The following RANBP17 variants were observed in gnomAD, a reference collection of about 807,000 sequenced individuals.
The protein encoded by RANBP17 is RAN binding protein 17.
A neutral mutation model predicts 141.2 loss-of-function variants in RANBP17; 158 were observed. That is an observed-to-expected ratio of 1.12 (90% confidence interval 0.98 to 1.28). The LOEUF (loss-of-function observed/expected upper bound fraction) is 1.28, where lower values mean the gene tolerates loss of function less well. RANBP17 is among the 50% of genes most tolerant of loss of function. The probability of loss-of-function intolerance (pLI) is 0.00; values close to 1 mark genes in which losing one functional copy is unlikely to be tolerated. For missense variants in RANBP17, 1,438 were observed against 1,290.7 expected (o/e 1.11, Z -1.75); for synonymous variants, 430 against 450.0 (o/e 0.96, Z 0.56).
chr5:171,043,779 AC>A (rs1364341547), intron 14 of RANBP17, among the ~76,000 whole-genome samples: 1 of 152,096 alleles, frequency 6.6e-6, no homozygotes, highest in Non-Finnish European at 1.5e-5. Context: ...ATATTTATTG[AC>A]CTTCAATGAA....
At chr5:170,880,406 TTTC>T (rs1177675648) in intron 2 of RANBP17, among the ~76,000 whole-genome samples, 2 of 152,226 alleles carry the variant, frequency 1.3e-5, no homozygotes, top group African/African-American at 2.4e-5. Flanking sequence ...GTAATCTTAT[TTTC>T]TCTGCACATA....
intron 14 of RANBP17, among the ~76,000 whole-genome samples, chr5:171,078,035 G>A (rs546279925): frequency 5.8e-4 from 89 of 152,324 alleles, no homozygotes; most frequent in South Asian, 3.9e-3. Flanking sequence ...GGAGCAGCAA[G>A]TGCTGGTGGA....
chr5:171,166,527 T>A (rs1406259291), intron 14 of RANBP17, among the ~76,000 whole-genome samples: 5 of 152,090 alleles, frequency 3.3e-5, no homozygotes, highest in African/African-American at 1.2e-4. Context: ...AAAAATTATT[T>A]CGGTTGAAAT....
chr5:171,164,948 C>T (rs946505526), intron 14 of RANBP17, among the ~76,000 whole-genome samples: 1 of 152,000 alleles, frequency 6.6e-6, no homozygotes, highest in African/African-American at 2.4e-5. Flanking sequence ...TTGTTTTAAC[C>T]GTCTTTATGC....
At chr5:170,898,246 T>G (rs947817284) in intron 5 of RANBP17, among the ~76,000 whole-genome samples, 1 of 152,206 alleles carries the variant, frequency 6.6e-6, no homozygotes. Flanking sequence ...TGATGGTATC[T>G]CATTGAGTTT....
intron 1 of RANBP17, among the ~76,000 whole-genome samples, chr5:170,869,716 G>A (rs193164818): frequency 6.6e-6 from 1 of 152,036 alleles, no homozygotes; most frequent in Non-Finnish European, 1.5e-5. Flanking sequence ...GTGGATTTAG[G>A]GCGCACTGTA....
intron 24 of RANBP17, among the ~76,000 whole-genome samples, chr5:171,256,767 A>G (rs561841238): frequency 2.6e-5 from 4 of 152,292 alleles, no homozygotes; most frequent in East Asian, 3.9e-4. Flanking sequence ...ATCAGAGACT[A>G]TTATGAACAA....
At position 170,918,871 on chromosome 5, in the gene RANBP17, T is replaced by C. The variant is rs1343768110; in HGVS notation, c.1101+12T>C. On this transcript the variant is annotated intron_variant, in intron 10 of 27. Coordinates refer to ENST00000523189, the MANE Select transcript of RANBP17 (RefSeq NM_022897.5). ...TTACTAGCCTACAGGTAGGTAAAAATATGTAATTATGTTAAACTGTAGCCA... is the reference window on the plus strand; with the variant it reads ...TTACTAGCCTACAGGTAGGTAAAAACATGTAATTATGTTAAACTGTAGCCA... 10 of 1,527,954 alleles carry C rather than the reference T, an allele frequency of 6.5e-6. No individual in the cohort carries two copies. Among genetic ancestry groups the C allele is most frequent in the Non-Finnish European group, 8.8e-6 (10 of 1,130,032 alleles). The allele number at this position is 1,527,954 out of a possible 1,614,324, so 94.6% of individuals were successfully genotyped here.
At chr5:171,157,715 C>A (rs1461699940) in intron 14 of RANBP17, among the ~76,000 whole-genome samples, 2 of 152,164 alleles carry the variant, frequency 1.3e-5, no homozygotes, top group African/African-American at 2.4e-5. Context: ...TGAGCTATGA[C>A]CTTTTATGAT....
chr5:171,261,076 C>T (rs1252444516), intron 24 of RANBP17, among the ~76,000 whole-genome samples: 2 of 31,682 alleles, frequency 6.3e-5, no homozygotes, highest in Non-Finnish European at 1.1e-4. Flanking sequence ...ATTAGCTTCA[C>T]CCCCCACCCC....
At chr5:171,210,616 G>A (rs746249866) in intron 20 of RANBP17, among the ~76,000 whole-genome samples, 1 of 152,216 alleles carries the variant, frequency 6.6e-6, no homozygotes, top group African/African-American at 2.4e-5. Flanking sequence ...TTTCTCACCT[G>A]TACCCCTGTG....
chr5:171,148,599 GATAT>G (rs148405071), intron 14 of RANBP17, among the ~76,000 whole-genome samples: 3 of 150,460 alleles, frequency 2.0e-5, no homozygotes, highest in Admixed American at 6.6e-5. Flanking sequence ...TATCTGTATT[GATAT>G]ATATATATAT....
At chr5:171,174,840 G>A (rs186025462) in intron 16 of RANBP17, among the ~76,000 whole-genome samples, 11 of 150,568 alleles carry the variant, frequency 7.3e-5, no homozygotes, top group East Asian at 4.0e-4. Context: ...TGGGATACAT[G>A]TGCAGAACGT....
At chr5:171,107,891 AC>A (rs1448626165) in intron 14 of RANBP17, among the ~76,000 whole-genome samples, 1 of 152,172 alleles carries the variant, frequency 6.6e-6, no homozygotes, top group Non-Finnish European at 1.5e-5. Flanking sequence ...ATCATTTACC[AC>A]TATGCTCCTA....
chr5:170,876,601 C>T (rs1334211616), intron 1 of RANBP17, among the ~76,000 whole-genome samples: 2 of 151,964 alleles, frequency 1.3e-5, no homozygotes, highest in Non-Finnish European at 2.9e-5. Flanking sequence ...TCTGTGTTTA[C>T]TCTAGCAGGA....
chr5:171,020,733 C>T (rs1001220325), intron 14 of RANBP17, among the ~76,000 whole-genome samples: 14 of 151,990 alleles, frequency 9.2e-5, no homozygotes, highest in African/African-American at 1.2e-4. Context: ...TCCAGTTTGC[C>T]GGTCTGTGTC....
At chr5:170,979,794 A>C (rs1192108655) in intron 14 of RANBP17, among the ~76,000 whole-genome samples, 1 of 152,244 alleles carries the variant, frequency 6.6e-6, no homozygotes, top group Non-Finnish European at 1.5e-5. Context: ...CTTTATCAGC[A>C]GCATGAAAAT....
At chr5:171,145,349 G>T (rs1202651688) in intron 14 of RANBP17, among the ~76,000 whole-genome samples, 1 of 151,916 alleles carries the variant, frequency 6.6e-6, no homozygotes, top group African/African-American at 2.4e-5. Context: ...GATCACCTGT[G>T]CTTTAAAATA....
chr5:171,171,828 A>G (rs1760120693), intron 16 of RANBP17, among the ~76,000 whole-genome samples: 1 of 151,958 alleles, frequency 6.6e-6, no homozygotes. Context: ...CCCCCACCAA[A>G]TCAACATCTA....
Sources: allele counts gnomAD v4.1 joint callset (sites outside exome capture counted in the v4.1 genomes callset), GRCh38; gene constraint gnomAD v4.1.1; transcripts MANE v1.5; gene names NCBI Gene and HGNC (gene_info 2026-07-23, HGNC 2026-07-21).